Variants in GLT1D1 observed in about 807,000 individuals in gnomAD.
The protein encoded by GLT1D1 is glycosyltransferase 1 domain containing 1, also known as glycosyltransferase 1 domain-containing protein 1.
A neutral mutation model predicts 28.7 loss-of-function variants in GLT1D1; 21 were observed. The ratio of observed to expected loss-of-function variants is 0.73; its 90% CI spans 0.52 to 1.05. The LOEUF is 1.05. GLT1D1 is among the 50% of genes least tolerant of loss of function. The pLI, the probability that GLT1D1 is intolerant of heterozygous loss-of-function variation, is 0.00. For missense variants in GLT1D1, 343 were observed against 330.6 expected, an observed-to-expected ratio of 1.04 and a Z score of -0.29; for synonymous variants, 147 against 124.8, an observed-to-expected ratio of 1.18 and a Z score of -1.19.
At chr12:128,922,938 A>AT (rs1566136237) in intron 4 of GLT1D1, among the ~76,000 whole-genome samples, 2,123 of 139,166 alleles carry the variant, frequency 0.015, 55 homozygotes, top group African/African-American at 0.054. Context: ...AAAAAAAAAA[A>AT]AAAAAAAAGA....
chr12:128,899,693 G>A (rs1243766170), intron 4 of GLT1D1, among the ~76,000 whole-genome samples: 2 of 151,880 alleles, frequency 1.3e-5, no homozygotes, highest in East Asian at 3.9e-4. Flanking sequence ...GGGATTTCAG[G>A]TGCACACCAC....
chr12:128,863,372 T>C (rs1370110541), intron 1 of GLT1D1, among the ~76,000 whole-genome samples: 1 of 136,422 alleles, frequency 7.3e-6, no homozygotes. Flanking sequence ...GTTTGGATAA[T>C]TTATTATTTT....
chr12:128,957,239 G>A (rs142740455), intron 6 of GLT1D1, among the ~76,000 whole-genome samples: 31 of 152,280 alleles, frequency 2.0e-4, no homozygotes, highest in African/African-American at 6.7e-4. Context: ...GCGGTCGGTC[G>A]GTGAAGAGGT....
At chr12:128,895,354 A>T (rs1869505516) in intron 3 of GLT1D1, among the ~76,000 whole-genome samples, 1 of 152,050 alleles carries the variant, frequency 6.6e-6, no homozygotes, top group African/African-American at 2.4e-5. Context: ...ATTGGTATGA[A>T]GCTTAGGGTT....
At chr12:128,957,057 T>C (rs1392882517) in intron 6 of GLT1D1, among the ~76,000 whole-genome samples, 1 of 152,220 alleles carries the variant, frequency 6.6e-6, no homozygotes, top group Non-Finnish European at 1.5e-5. Flanking sequence ...CCTTCGGAAA[T>C]GGAAAGTCGG....
At chr12:128,886,503 G>C (rs1868402153) in intron 2 of GLT1D1, among the ~76,000 whole-genome samples, 1 of 152,132 alleles carries the variant, frequency 6.6e-6, no homozygotes, top group Non-Finnish European at 1.5e-5. Context: ...TGAAATTCAG[G>C]TGTCAGCAGC....
intron 7 of GLT1D1, among the ~76,000 whole-genome samples, chr12:128,972,389 AC>A (rs1338743295): frequency 6.6e-6 from 1 of 152,176 alleles, no homozygotes; most frequent in Non-Finnish European, 1.5e-5. Flanking sequence ...TGGAGGGAGC[AC>A]ACGCCCCTCT....
intron 7 of GLT1D1, among the ~76,000 whole-genome samples, chr12:128,961,789 C>G (rs969092878): frequency 6.6e-6 from 1 of 152,188 alleles, no homozygotes; most frequent in Non-Finnish European, 1.5e-5. Flanking sequence ...CATAGACACA[C>G]CCAGAGATAA....
At chr12:128,924,081 A>G (rs577563263) in intron 4 of GLT1D1, among the ~76,000 whole-genome samples, 1 of 152,226 alleles carries the variant, frequency 6.6e-6, no homozygotes, top group South Asian at 2.1e-4. Context: ...TGGGTCCTGC[A>G]TGAGCTCATA....
At chr12:128,926,193 CAATAAT>C (rs34967915) in intron 4 of GLT1D1, among the ~76,000 whole-genome samples, 160 bp from the exon 7 acceptor site, 3,313 of 132,834 alleles carry the variant, frequency 0.025, 81 homozygotes, top group African/African-American at 0.064. Flanking sequence ...GACTCTGTCT[CAATAAT>C]AATAATAATA....
chr12:128,890,620 A>G (rs1162185864), intron 3 of GLT1D1, among the ~76,000 whole-genome samples: 1 of 151,934 alleles, frequency 6.6e-6, no homozygotes, highest in Non-Finnish European at 1.5e-5. Context: ...CCCCATCTCT[A>G]TTAAAAATAC....
chr12:128,874,069 T>C (rs1249347655), intron 1 of GLT1D1, among the ~76,000 whole-genome samples: 1 of 15,690 alleles, frequency 6.4e-5, no homozygotes, highest in Admixed American at 7.8e-4. Flanking sequence ...CCTTTCTTTC[T>C]TTCTTTCTTT....
chr12:128,955,684 AC>A (rs1260222018), intron 6 of GLT1D1, among the ~76,000 whole-genome samples: 1 of 152,076 alleles, frequency 6.6e-6, no homozygotes, highest in Admixed American at 6.5e-5. Context: ...GATTTGGCTG[AC>A]GCATTCCTCA....
chr12:128,968,135 G>A (rs1484204353), intron 7 of GLT1D1, among the ~76,000 whole-genome samples: 1 of 151,942 alleles, frequency 6.6e-6, no homozygotes, highest in Non-Finnish European at 1.5e-5. Flanking sequence ...AGCTAGGACT[G>A]CAGGCGCCTG....
intron 4 of GLT1D1, chr12:128,930,314 C>T (rs956548696): frequency 6.6e-6 from 1 of 152,238 alleles, no homozygotes; most frequent in Non-Finnish European, 1.5e-5. Flanking sequence ...GAGCCATGAG[C>T]AGGCAACAAC....
chr12:128,859,903 G>C (rs759944467), intron 1 of GLT1D1, among the ~76,000 whole-genome samples: 12 of 152,132 alleles, frequency 7.9e-5, no homozygotes, highest in African/African-American at 1.2e-4. Context: ...AGAAGATGTA[G>C]GTGACAGAAT....
intron 1 of GLT1D1, among the ~76,000 whole-genome samples, chr12:128,856,045 C>T (rs970896191): frequency 3.9e-5 from 6 of 152,128 alleles, no homozygotes; most frequent in African/African-American, 1.4e-4. Flanking sequence ...AGCAACTTCG[C>T]CTGGCCTTGG....
intron 7 of GLT1D1, among the ~76,000 whole-genome samples, chr12:128,972,426 C>T (rs531261583): frequency 6.6e-6 from 1 of 152,312 alleles, no homozygotes; most frequent in East Asian, 1.9e-4. Flanking sequence ...TGGCTGGAAC[C>T]CAGTTACATC....
intron 7 of GLT1D1, among the ~76,000 whole-genome samples, chr12:128,982,173 GC>G (rs145451773): frequency 0.011 from 1,673 of 152,182 alleles, 35 homozygotes; most frequent in African/African-American, 0.039. Flanking sequence ...GGGAGGAAAG[GC>G]CAGAAAAGCA....
Sources: gnomAD v4.1 joint callset for allele counts (sites outside exome capture counted in the v4.1 genomes callset) on GRCh38, gnomAD v4.1.1 for gene constraint, MANE v1.5 for transcripts, NCBI Gene and HGNC (gene_info 2026-07-23, HGNC 2026-07-21) for gene names.